The following VGLL3 variants were observed in gnomAD, a reference collection of about 807,000 sequenced individuals.
VGLL3 encodes transcription cofactor vestigial-like protein 3.
Under a neutral mutation model 29.2 loss-of-function variants are expected in VGLL3, and 18 were observed. The observed-to-expected ratio is 0.62, with a 90% CI of 0.43 to 0.91. The LOEUF (loss-of-function observed/expected upper bound fraction) is 0.91, where lower values mean the gene tolerates loss of function less well. Among genes scored for constraint, VGLL3 ranks in the 40% least tolerant of loss-of-function variants. The probability of loss-of-function intolerance (pLI) is 0.00; values close to 1 mark genes in which losing one functional copy is unlikely to be tolerated. For missense variants in VGLL3, 440 were observed against 413.2 expected (o/e 1.06, Z -0.56); for synonymous variants, 180 against 151.8 (o/e 1.19, Z -1.36).
intron 1 of VGLL3, among the ~76,000 whole-genome samples, chr3:86,984,318 A>G (rs774250816): frequency 4.6e-5 from 7 of 152,172 alleles, no homozygotes; most frequent in Non-Finnish European, 8.8e-5. Context: ...TGTTTTTGTT[A>G]ACAGTAGGGA....
In VGLL3 at chr3:86,942,243, C is replaced by T. The variant is rs1241176962; in HGVS notation, c.*4781G>A. ...GGCTGATTTCATTTCTGATCCCATACAGTTTCTGCTGTCTTTCCCTTGGCT... is the reference window on the plus strand; with the variant it reads ...GGCTGATTTCATTTCTGATCCCATATAGTTTCTGCTGTCTTTCCCTTGGCT... On this transcript the variant is annotated 3_prime_UTR_variant, in exon 4 of 4. Transcript: ENST00000398399. 1 of 152,116 alleles carries T rather than the reference C, an allele frequency of 6.6e-6. No homozygotes were observed. Among genetic ancestry groups the T allele is most frequent in the Non-Finnish European group, 1.5e-5 (1 of 68,018 alleles). 9.4% of individuals were successfully genotyped at this position (152,116 alleles called of 1,614,324 possible). A position where few individuals can be genotyped will look rare whatever the true frequency, so the allele number is the denominator to read the frequency against.
At chr3:86,954,095 C>T (rs1445012108) in intron 3 of VGLL3, among the ~76,000 whole-genome samples, 1 of 152,162 alleles carries the variant, frequency 6.6e-6, no homozygotes, top group Non-Finnish European at 1.5e-5. Context: ...TTTCTCCAGG[C>T]ACATTTAGAA....
chr3:86,978,920 TTCTTCTTCA>T, intron 1 of VGLL3, 118 bp from the exon 2 acceptor site: 1 of 1,162,362 alleles, frequency 8.6e-7, no homozygotes. Context: ...TGCAAACTGA[TTCTTCTTCA>T]TCTGTTTTAC....
intron 1 of VGLL3, chr3:86,990,384 T>G: frequency 3.0e-6 from 3 of 985,310 alleles, no homozygotes; most frequent in Non-Finnish European, 3.6e-6. Flanking sequence ...GCCTCTGAGC[T>G]CCGGTGACCA....
chr3:86,972,163 A>G (rs1453061943), intron 2 of VGLL3, among the ~76,000 whole-genome samples: 2 of 152,238 alleles, frequency 1.3e-5, no homozygotes, highest in Admixed American at 1.3e-4. Context: ...TCAATTATTT[A>G]TCAAAAATAT....
Position 86,990,845 on chromosome 3 carries a change from T to C in VGLL3, c.-102A>G, listed in dbSNP as rs938342695. On this transcript the variant is annotated 5_prime_UTR_variant, in exon 1 of 4. Coordinates refer to ENST00000398399, the MANE Select transcript of VGLL3 (RefSeq NM_016206.4). ...CCGCCGCAGCTGCCGCCTCTGTCGC[T>C]GCTCCAGCTGCTACTGCGGCGAAGG... is the stretch of plus-strand genomic sequence containing the variant. The C allele has an allele frequency of 1.7e-6, 2 of 1,171,730 alleles. No homozygotes were observed. Among genetic ancestry groups the C allele is most frequent in the Admixed American group, 4.7e-5 (1 of 21,116 alleles). The allele number at this position is 1,171,730 out of a possible 1,614,324, so 72.6% of individuals were successfully genotyped here.
At position 86,943,595 on chromosome 3, in the gene VGLL3, C is replaced by A. The variant is rs1559716195; in HGVS notation, c.*3429G>T. ...CTCATTTTGCAAATTTTAGAGCAAT[C>A]TTAGCCATTTTTGCTTAACAAAATA... On this transcript the variant is annotated 3_prime_UTR_variant, in exon 4 of 4. Coordinates refer to ENST00000398399, the MANE Select transcript of VGLL3 (RefSeq NM_016206.4). 6.6e-6 allele frequency: 1 copy of A among 151,894 alleles called. No homozygotes were observed. The highest frequency in any genetic ancestry group is 1.5e-5 in the Non-Finnish European group (1 of 67,988). The allele number at this position is 151,894 out of a possible 1,614,324, so 9.4% of individuals were successfully genotyped here. A position where few individuals can be genotyped will look rare whatever the true frequency, so the allele number is the denominator to read the frequency against.
chr3:86,990,628 G>T lies in VGLL3; in HGVS notation c.116C>A (p.Pro39His). 1 of 1,363,694 alleles carries T rather than the reference G, an allele frequency of 7.3e-7. No individual in the cohort carries two copies. The allele number at this position is 1,363,694 out of a possible 1,614,324, so 84.5% of individuals were successfully genotyped here. ...PTAYYQPAPQ[P>H]GQQKKLAVFS... The stretch of plus-strand genomic sequence containing the variant: ...CGTCCGGTGACTCACCTGCTGGCCA[G>T]GTTGGGGCGCCGGCTGATAGTAGGC... Residue 39 changes from proline (P) to histidine (H), a missense_variant, in exon 1 of 4, where the codon CCT becomes CAT. Physicochemically the swap from Pro to His is moderately conservative, Grantham distance 77. Coordinates refer to ENST00000398399, the MANE Select transcript of VGLL3 (RefSeq NM_016206.4).
At chr3:86,966,729 T>C (rs1006151504) in intron 3 of VGLL3, among the ~76,000 whole-genome samples, 4 of 142,454 alleles carry the variant, frequency 2.8e-5, no homozygotes, top group Non-Finnish European at 6.1e-5. Context: ...TAACAAGGTC[T>C]ATCTCAGATT....
At chr3:86,990,042 G>C (rs1309167433) in intron 1 of VGLL3, among the ~76,000 whole-genome samples, 6 of 152,160 alleles carry the variant, frequency 3.9e-5, no homozygotes, top group Admixed American at 3.9e-4. Context: ...AATGAATGAA[G>C]AACCTTGGAA....
chr3:86,986,411 T>C (rs1415434962), intron 1 of VGLL3, among the ~76,000 whole-genome samples: 1 of 152,156 alleles, frequency 6.6e-6, no homozygotes, highest in Non-Finnish European at 1.5e-5. Flanking sequence ...AAGAGTTCAA[T>C]TATTTTAACA....
chr3:86,950,354 T>G (rs1055748607), intron 3 of VGLL3, among the ~76,000 whole-genome samples: 6 of 152,228 alleles, frequency 3.9e-5, no homozygotes, highest in Non-Finnish European at 7.3e-5. Context: ...TTCATGCTCC[T>G]AATCATGCTA....
chr3:86,970,483 GCACACA>G (rs10694503), intron 2 of VGLL3, among the ~76,000 whole-genome samples: 2,619 of 141,280 alleles, frequency 0.019, 53 homozygotes, highest in East Asian at 0.08. Flanking sequence ...TTACACACAC[GCACACA>G]CACACACACA....
At chr3:86,962,466 T>C (rs905411217) in intron 3 of VGLL3, 20 of 985,268 alleles carry the variant, frequency 2.0e-5, no homozygotes, top group Middle Eastern at 5.2e-4. Flanking sequence ...CCTTACTTCA[T>C]TCCTATGGCA....
intron 1 of VGLL3, among the ~76,000 whole-genome samples, chr3:86,989,113 C>T (rs1575884374): frequency 6.6e-6 from 1 of 152,122 alleles, no homozygotes. Flanking sequence ...TAACTCCACA[C>T]CACAGATTCA....
chr3:86,963,094 TCAAAA>T (rs544799632), intron 3 of VGLL3: 25 of 179,304 alleles, frequency 1.4e-4, no homozygotes, highest in African/African-American at 4.1e-4. Context: ...AAACTCTGTC[TCAAAA>T]CAAAACAAAA....
At chr3:86,959,665 G>T (rs1245376362) in intron 3 of VGLL3, among the ~76,000 whole-genome samples, 1 of 152,060 alleles carries the variant, frequency 6.6e-6, no homozygotes, top group African/African-American at 2.4e-5. Flanking sequence ...TGTAAATCTA[G>T]GTTTCCTTTA....
intron 2 of VGLL3, among the ~76,000 whole-genome samples, chr3:86,975,264 G>C (rs1559730751): frequency 6.6e-6 from 1 of 152,082 alleles, no homozygotes; most frequent in Non-Finnish European, 1.5e-5. Flanking sequence ...CATTTTATGA[G>C]AATAAAAATG....
Position 86,938,031 on chromosome 3 carries a change from A to C in VGLL3, c.*8993T>G, listed in dbSNP as rs983255232. The C allele has an allele frequency of 2.6e-5, 4 of 152,246 alleles. No homozygotes were observed. Among genetic ancestry groups the C allele is most frequent in the African/African-American group, 9.6e-5 (4 of 41,470 alleles). The allele number at this position is 152,246 out of a possible 1,614,324, so 9.4% of individuals were successfully genotyped here. A position where few individuals can be genotyped will look rare whatever the true frequency, so the allele number is the denominator to read the frequency against. The stretch of plus-strand genomic sequence containing the variant: ...TGTTTAACACAAAATGGCACATAGC[A>C]TGATATCATGTCACCCATTGATCCT... On this transcript the variant is annotated 3_prime_UTR_variant, in exon 4 of 4. Coordinates refer to ENST00000398399, the MANE Select transcript of VGLL3 (RefSeq NM_016206.4).
Sources: allele counts gnomAD v4.1 joint callset (sites outside exome capture counted in the v4.1 genomes callset), GRCh38; gene constraint gnomAD v4.1.1; transcripts MANE v1.5; gene names NCBI Gene and HGNC (gene_info 2026-07-23, HGNC 2026-07-21).